The following ANKS1B variants were observed in gnomAD, a reference collection of about 807,000 sequenced individuals.
ANKS1B encodes the protein ankyrin repeat and sterile alpha motif domain containing 1B.
ANKS1B carries 36 observed loss-of-function variants against 148.3 expected under a neutral mutation model. That is an observed-to-expected ratio of 0.24 (90% CI 0.19 to 0.32). The LOEUF is 0.32. Ranked by LOEUF, ANKS1B falls within the 10% of genes least tolerant of loss-of-function variation. The pLI, the probability that ANKS1B is intolerant of heterozygous loss-of-function variation, is 1.00. For missense variants in ANKS1B, 1,157 were observed against 1,542.6 expected (o/e 0.75, Z 4.19); for synonymous variants, 542 against 560.8 (o/e 0.97, Z 0.47).
chr12:99,733,542 T>C (rs943035851), intron 8 of ANKS1B, among the ~76,000 whole-genome samples: 1 of 152,196 alleles, frequency 6.6e-6, no homozygotes, highest in Non-Finnish European at 1.5e-5. Context: ...TTACATATAT[T>C]ACCCATTTAA....
At chr12:99,390,963 G>C (rs1277191818) in intron 12 of ANKS1B, among the ~76,000 whole-genome samples, 3 of 152,218 alleles carry the variant, frequency 2.0e-5, no homozygotes, top group Non-Finnish European at 4.4e-5. Context: ...GCCAGAAAGA[G>C]CTCCAGGCTC....
chr12:99,927,783 T>A (rs1415494581), intron 1 of ANKS1B, among the ~76,000 whole-genome samples: 1 of 151,930 alleles, frequency 6.6e-6, no homozygotes, highest in Non-Finnish European at 1.5e-5. Flanking sequence ...CCCCATCTCT[T>A]TAAAAGAAAA....
intron 1 of ANKS1B, among the ~76,000 whole-genome samples, chr12:99,842,986 ATT>A (rs932721756): frequency 6.6e-6 from 1 of 152,100 alleles, no homozygotes; most frequent in African/African-American, 2.4e-5. Flanking sequence ...TGATTGAATT[ATT>A]ACCAAATTTT....
intron 9 of ANKS1B, among the ~76,000 whole-genome samples, chr12:99,642,678 GT>G (rs2098322616): frequency 6.6e-6 from 1 of 152,134 alleles, no homozygotes; most frequent in African/African-American, 2.4e-5. Context: ...TTAGCTGGGC[GT>G]GGTGATGCAT....
At chr12:99,881,498 C>A (rs2092485363) in intron 1 of ANKS1B, among the ~76,000 whole-genome samples, 1 of 152,212 alleles carries the variant, frequency 6.6e-6, no homozygotes, top group Middle Eastern at 3.4e-3. Context: ...TGTGGCAGAG[C>A]AGGATAACTA....
chr12:99,151,228 T>C (rs1390937326), intron 15 of ANKS1B, among the ~76,000 whole-genome samples: 1 of 151,968 alleles, frequency 6.6e-6, no homozygotes, highest in African/African-American at 2.4e-5. Context: ...AATTGACAAA[T>C]ATTTAAAAAC....
At chr12:98,987,741 C>A (rs1156561145) in intron 17 of ANKS1B, among the ~76,000 whole-genome samples, 2 of 151,934 alleles carry the variant, frequency 1.3e-5, no homozygotes, top group Non-Finnish European at 2.9e-5. Flanking sequence ...GTTTTGGGAC[C>A]CTTTGCAGTT....
chr12:99,389,305 T>C (rs1191248855), intron 12 of ANKS1B, among the ~76,000 whole-genome samples: 1 of 152,084 alleles, frequency 6.6e-6, no homozygotes, highest in African/African-American at 2.4e-5. Flanking sequence ...CCACCCAACA[T>C]AGACAAGTGC....
chr12:98,873,685 C>T (rs1038488484), intron 17 of ANKS1B, among the ~76,000 whole-genome samples: 2 of 152,140 alleles, frequency 1.3e-5, no homozygotes, highest in African/African-American at 2.4e-5. Flanking sequence ...CCTAGAGCAT[C>T]CAACCTAAAA....
chr12:98,852,954 A>C (rs1479972599), intron 17 of ANKS1B, among the ~76,000 whole-genome samples: 1 of 152,216 alleles, frequency 6.6e-6, no homozygotes, highest in Non-Finnish European at 1.5e-5. Context: ...AAAAGATGTG[A>C]GAAATCTTTT....
intron 10 of ANKS1B, among the ~76,000 whole-genome samples, chr12:99,463,465 C>T (rs1426677559): frequency 2.6e-5 from 4 of 152,162 alleles, no homozygotes; most frequent in South Asian, 2.1e-4. Context: ...GCACACCGTG[C>T]GCGAGCCGAA....
intron 10 of ANKS1B, among the ~76,000 whole-genome samples, chr12:99,446,258 G>A (rs1018946598): frequency 2.0e-5 from 3 of 151,950 alleles, no homozygotes; most frequent in African/African-American, 4.8e-5. Flanking sequence ...CACAGTTGAA[G>A]CTGTTATTTC....
At chr12:99,927,518 A>G (rs2094503392) in intron 1 of ANKS1B, among the ~76,000 whole-genome samples, 1 of 152,244 alleles carries the variant, frequency 6.6e-6, no homozygotes, top group South Asian at 2.1e-4. Flanking sequence ...CCTAGGAAGA[A>G]TGTCTCTTTG....
intron 11 of ANKS1B, among the ~76,000 whole-genome samples, chr12:99,410,323 T>C (rs1489387891): frequency 1.3e-5 from 2 of 149,776 alleles, no homozygotes; most frequent in African/African-American, 2.5e-5. Context: ...TTAACTATTT[T>C]ACTCTCTGAT....
intron 1 of ANKS1B, among the ~76,000 whole-genome samples, chr12:99,928,272 T>TTTTTA (rs1288189890): frequency 1.1e-5 from 1 of 91,656 alleles, no homozygotes; most frequent in Non-Finnish European, 2.5e-5. Flanking sequence ...TTTTATTTTA[T>TTTTTA]TTTTTTTTTT....
At chr12:99,154,813 T>C (rs2075803299) in intron 14 of ANKS1B, 4 of 1,504,644 alleles carry the variant, frequency 2.7e-6, no homozygotes, top group South Asian at 2.6e-5. Flanking sequence ...CCTACACTCA[T>C]CAGTATGCAG....
chr12:99,027,290 G>A (rs751648291), intron 17 of ANKS1B, among the ~76,000 whole-genome samples: 3 of 152,114 alleles, frequency 2.0e-5, no homozygotes, highest in Admixed American at 6.6e-5. Context: ...CAAAATGACC[G>A]ATTTCTTTTG....
At chr12:99,435,029 T>G (rs1057311500) in intron 11 of ANKS1B, among the ~76,000 whole-genome samples, 3 of 152,138 alleles carry the variant, frequency 2.0e-5, no homozygotes, top group Admixed American at 6.6e-5. Flanking sequence ...AAATTCTCCA[T>G]ATTCCTGTAG....
chr12:98,956,609 T>A (rs117778293), intron 17 of ANKS1B, among the ~76,000 whole-genome samples: 3,152 of 151,848 alleles, frequency 0.021, 43 homozygotes, highest in Non-Finnish European at 0.031. Flanking sequence ...TTAGTTAACT[T>A]ATTCATTCAA....
Sources: gnomAD v4.1 joint callset for allele counts (sites outside exome capture counted in the v4.1 genomes callset) on GRCh38, gnomAD v4.1.1 for gene constraint, MANE v1.5 for transcripts, NCBI Gene and HGNC (gene_info 2026-07-23, HGNC 2026-07-21) for gene names.